Variants in KAZN observed in about 807,000 individuals in gnomAD.
KAZN encodes the protein kazrin.
A neutral mutation model predicts 87.4 loss-of-function variants in KAZN; 40 were observed. That is an observed-to-expected ratio of 0.46 (90% CI 0.36 to 0.60). KAZN has a LOEUF of 0.60. Ranked by LOEUF, KAZN falls within the 20% of genes least tolerant of loss-of-function variation. The probability of loss-of-function intolerance (pLI) is 0.00; values close to 1 mark genes in which losing one functional copy is unlikely to be tolerated. For missense variants in KAZN, 898 were observed against 1,073.9 expected (o/e 0.84, Z 2.29); for synonymous variants, 466 against 458.3 (o/e 1.02, Z -0.22).
intron 1 of KAZN, among the ~76,000 whole-genome samples, chr1:14,885,638 G>A (rs770345859): frequency 5.9e-5 from 9 of 151,952 alleles, no homozygotes; most frequent in Non-Finnish European, 1.2e-4. Context: ...GTGAGCCACC[G>A]TGCCTGGCCT....
intron 3 of KAZN, among the ~76,000 whole-genome samples, chr1:15,037,233 T>C (rs775643423): frequency 5.9e-5 from 9 of 152,304 alleles, no homozygotes; most frequent in Non-Finnish European, 7.4e-5. Context: ...CTCTTTTTTA[T>C]TGGGGACAGG....
intron 1 of KAZN, among the ~76,000 whole-genome samples, chr1:14,823,129 G>A (rs780259178): frequency 3.9e-5 from 6 of 152,296 alleles, no homozygotes; most frequent in Non-Finnish European, 7.4e-5. Context: ...CAGCCTTCTG[G>A]GCATGTGGCA....
rs148102490 is a variant in KAZN, at chr1:14,184,196, T to C, written c.249+3604T>C. Among the ~76,000 whole-genome samples the C allele has an allele frequency of 7.0e-4, 106 of 152,210 alleles. No individual in the cohort carries two copies. The highest frequency in any genetic ancestry group is 2.5e-3 in the African/African-American group (102 of 41,528). On this transcript the variant is annotated intron_variant, in intron 2 of 16. Coordinates refer to the KAZN transcript ENST00000636203. This position sits in a 1 kb window ranked among gnomAD's most constrained non-coding sequence, Gnocchi z 4.2. ...TTTTTCCTTCTGCCCTTGTCTCCTC[T>C]TCCCTTTTCTTTTTGCTTTTCTTTG...
At chr1:14,849,624 A>G (rs1649195792) in intron 1 of KAZN, among the ~76,000 whole-genome samples, 1 of 152,228 alleles carries the variant, frequency 6.6e-6, no homozygotes, top group Non-Finnish European at 1.5e-5. Flanking sequence ...GCGCAGCTGA[A>G]TTGGTACCTA....
Position 14,992,934 on chromosome 1 carries a change from G to A in KAZN, c.418+32059G>A, listed in dbSNP as rs552470858. Among the ~76,000 whole-genome samples the A allele has an allele frequency of 7.2e-5, 11 of 151,968 alleles. No individual in the cohort carries two copies. The East Asian group carries it at 2.2e-3, about 30-fold the overall frequency. On this transcript the variant is annotated intron_variant, in intron 2 of 14. Coordinates refer to ENST00000376030, the MANE Select transcript of KAZN (RefSeq NM_201628.3). ...GCTGGGATTACAGGAATGAGCCACT[G>A]CACCCAGCCAAAATGGTTAAGATGG...
intron 1 of KAZN, among the ~76,000 whole-genome samples, chr1:14,876,929 T>C (rs534954679): frequency 1.3e-5 from 2 of 152,364 alleles, no homozygotes; most frequent in African/African-American, 4.8e-5. Flanking sequence ...AACCAACTTG[T>C]ATTAGTCAGA....
intron 1 of KAZN, among the ~76,000 whole-genome samples, chr1:14,619,201 G>A (rs945698980): frequency 1.2e-4 from 17 of 143,628 alleles, no homozygotes; most frequent in African/African-American, 3.5e-4. Context: ...AATCATTCTT[G>A]GTTTTTTTTT....
Position 15,077,649 on chromosome 1 carries a change from A to G in KAZN, c.1222+11896A>G, listed in dbSNP as rs4661574. 0.33 allele frequency among the ~76,000 whole-genome samples: 50,397 copies of G among 152,024 alleles called. 10,421 individuals are homozygous for G. Among genetic ancestry groups the G allele is most frequent in the East Asian group, 0.91 (4,678 of 5,168 alleles). On this transcript the variant is annotated intron_variant, in intron 8 of 14. Transcript: ENST00000376030. This position sits in a 1 kb window ranked among gnomAD's most constrained non-coding sequence, Gnocchi z 4.8. ...CACTACCGGAGTCTCTGGGACTCAG[A>G]GATGGGGGTTGGGGGTTTCACCTTC...
At chr1:14,569,801 A>T (rs886830817) in intron 2 of KAZN, among the ~76,000 whole-genome samples, 5 of 151,928 alleles carry the variant, frequency 3.3e-5, no homozygotes, top group Non-Finnish European at 5.9e-5. Flanking sequence ...TGAATCCTTA[A>T]ATCAGTTTCT....
At chr1:14,934,481 A>C (rs1224155023) in intron 1 of KAZN, among the ~76,000 whole-genome samples, 2 of 152,254 alleles carry the variant, frequency 1.3e-5, no homozygotes, top group Non-Finnish European at 2.9e-5. Context: ...CTGGGATTAC[A>C]GGCGTGAGCC....
At chr1:14,364,085 G>A (rs922268458) in intron 2 of KAZN, among the ~76,000 whole-genome samples, 1 of 151,930 alleles carries the variant, frequency 6.6e-6, no homozygotes, top group African/African-American at 2.4e-5. Flanking sequence ...TTTAGGAACT[G>A]CGTTGTGTTA....
upstream of KAZN, among the ~76,000 whole-genome samples, chr1:14,597,276 C>T (rs886076883): frequency 6.6e-6 from 1 of 152,244 alleles, no homozygotes; most frequent in Non-Finnish European, 1.5e-5. Flanking sequence ...CTGCCACATG[C>T]TCCACCATCA....
chr1:14,762,294 G>A (rs1644761276), intron 1 of KAZN, among the ~76,000 whole-genome samples: 1 of 152,188 alleles, frequency 6.6e-6, no homozygotes, highest in African/African-American at 2.4e-5. Flanking sequence ...TGGCCAGGGA[G>A]TGTTGAGAAT....
chr1:14,648,245 A>T (rs1397605249), intron 1 of KAZN, among the ~76,000 whole-genome samples: 1 of 152,212 alleles, frequency 6.6e-6, no homozygotes, highest in Non-Finnish European at 1.5e-5. Flanking sequence ...ATTGACAGTG[A>T]TTAACTCTGG....
intron 1 of KAZN, among the ~76,000 whole-genome samples, chr1:14,932,166 G>A (rs1416357829): frequency 6.6e-6 from 1 of 152,182 alleles, no homozygotes; most frequent in Non-Finnish European, 1.5e-5. Context: ...AGACAGAGGA[G>A]ACCAAACTCT....
intron 2 of KAZN, among the ~76,000 whole-genome samples, chr1:14,469,829 A>T (rs983048277): frequency 2.8e-4 from 43 of 152,334 alleles, no homozygotes; most frequent in African/African-American, 9.6e-4. Flanking sequence ...AAGATTTGGG[A>T]CTAACCTCAG....
chr1:14,684,296 G>A (rs957716175), intron 1 of KAZN, among the ~76,000 whole-genome samples: 4 of 152,172 alleles, frequency 2.6e-5, no homozygotes, highest in African/African-American at 9.7e-5. Context: ...TGGTATTAGG[G>A]TTGCACAGAC....
intron 1 of KAZN, among the ~76,000 whole-genome samples, chr1:14,863,528 G>C (rs907444836): frequency 6.6e-6 from 1 of 152,140 alleles, no homozygotes; most frequent in Non-Finnish European, 1.5e-5. Context: ...TGGATTTTCT[G>C]TTTACTTTTC....
At chr1:14,977,208 GTGTC>G (rs2101874407) in intron 2 of KAZN, among the ~76,000 whole-genome samples, 1 of 152,360 alleles carries the variant, frequency 6.6e-6, no homozygotes, top group East Asian at 1.9e-4. Context: ...GGACCTGACG[GTGTC>G]TGTCTCTGTC....
Sources: gnomAD v4.1 joint callset for allele counts (sites outside exome capture counted in the v4.1 genomes callset) on GRCh38, gnomAD v4.1.1 for gene constraint, Gnocchi (gnomAD v3.1) non-coding constraint, MANE v1.5 for transcripts, NCBI Gene and HGNC (gene_info 2026-07-23, HGNC 2026-07-21) for gene names.